The following CFAP77 variants were observed in gnomAD, a reference collection of about 807,000 sequenced individuals.
The protein encoded by CFAP77 is cilia and flagella associated protein 77.
In CFAP77, 25 loss-of-function variants were observed where a neutral mutation model predicts 31.1. The observed-to-expected ratio is 0.80, with a 90% CI of 0.59 to 1.12. CFAP77 has a LOEUF of 1.12. CFAP77 is among the 50% of genes most tolerant of loss of function. The pLI is 0.00. For synonymous variants in CFAP77, 151 were observed against 159.9 expected (o/e 0.94, Z 0.42); for missense variants, 377 against 397.3 (o/e 0.95, Z 0.44).
chr9:132,548,954 C>G (rs564315046), intron 5 of CFAP77, among the ~76,000 whole-genome samples: 1 of 152,298 alleles, frequency 6.6e-6, no homozygotes, highest in African/African-American at 2.4e-5. Context: ...AAGACTAACC[C>G]TGCTTCGGGT....
At chr9:132,420,666 CAA>C (rs11414328) in intron 1 of CFAP77, among the ~76,000 whole-genome samples, 21 of 127,908 alleles carry the variant, frequency 1.6e-4, no homozygotes, top group Non-Finnish European at 1.2e-4. Context: ...GACTCTGTCT[CAA>C]AAAAAAAAAA....
At chr9:132,551,531 A>G (rs1852820248) in intron 5 of CFAP77, among the ~76,000 whole-genome samples, 2 of 152,162 alleles carry the variant, frequency 1.3e-5, no homozygotes, top group Admixed American at 1.3e-4. Context: ...CCTGGCCTCC[A>G]GTGATCCGCC....
intron 5 of CFAP77, among the ~76,000 whole-genome samples, chr9:132,560,427 A>T (rs1564252863): frequency 6.6e-6 from 1 of 152,318 alleles, no homozygotes; most frequent in East Asian, 1.9e-4. Flanking sequence ...CCACCTTGGG[A>T]CTGGTGTTAC....
At chr9:132,416,291 C>G (rs1266558518) in intron 1 of CFAP77, among the ~76,000 whole-genome samples, 2 of 143,968 alleles carry the variant, frequency 1.4e-5, no homozygotes, top group African/African-American at 5.1e-5. Flanking sequence ...TATGCTATAA[C>G]TGTTGATATG....
intron 1 of CFAP77, among the ~76,000 whole-genome samples, chr9:132,432,775 G>A (rs1459614080): frequency 1.3e-5 from 2 of 151,942 alleles, no homozygotes; most frequent in African/African-American, 2.4e-5. Context: ...GTGCAGTGGC[G>A]CGATCTCGGC....
chr9:132,538,076 GAAGT>G (rs1395924190), intron 4 of CFAP77, among the ~76,000 whole-genome samples: 1 of 152,180 alleles, frequency 6.6e-6, no homozygotes, highest in African/African-American at 2.4e-5. Context: ...GGCCCACACA[GAAGT>G]ATGTCCTGTA....
rs1317724359 is a variant in CFAP77, at chr9:132,481,745, T to C, written c.196-16950T>C. Among the ~76,000 whole-genome samples the C allele has an allele frequency of 6.6e-6, 1 of 152,152 alleles. No homozygotes were observed. The highest frequency in any genetic ancestry group is 1.9e-4 in the East Asian group (1 of 5,198). On this transcript the variant is annotated intron_variant, in intron 1 of 5. Transcript: ENST00000393216. The surrounding 1 kb of genome is among the most constrained non-coding windows in gnomAD (Gnocchi z 5.0). ...ACCCCAGCCTTATTAACAGGCTTCGTTTTAGGGACGCCTCCTCCGCCTCAG... is the reference window on the plus strand; with the variant it reads ...ACCCCAGCCTTATTAACAGGCTTCGCTTTAGGGACGCCTCCTCCGCCTCAG...
In CFAP77 at chr9:132,561,132, C is replaced by T. The variant is rs141835547; in HGVS notation, c.733-11256C>T. Among the ~76,000 whole-genome samples the T allele has an allele frequency of 2.7e-3, 411 of 152,238 alleles. 2 individuals are homozygous for T. The highest frequency in any genetic ancestry group is 9.6e-3 in the African/African-American group (398 of 41,526). ...TGTCCTACATGAATCTGTGTTCTACCGGAGCCTCTGACCTCCAGCTGCCCC... is the reference window on the plus strand; with the variant it reads ...TGTCCTACATGAATCTGTGTTCTACTGGAGCCTCTGACCTCCAGCTGCCCC... On this transcript the variant is annotated intron_variant, in intron 5 of 5. Transcript: ENST00000393216.
Position 132,499,665 on chromosome 9 carries a change from C to T in CFAP77, c.524+65C>T. On this transcript the variant is annotated intron_variant, in intron 3 of 5. Transcript: ENST00000393216. This position sits in a 1 kb window ranked among gnomAD's most constrained non-coding sequence, Gnocchi z 5.4. ...GTGGAGGTACCAGCTCAATCAGGGA[C>T]AAGGTCGGAGGGTGACAGGGAAGTG... is the stretch of plus-strand genomic sequence containing the variant. 3 of 1,464,854 alleles carry T rather than the reference C, an allele frequency of 2.0e-6. No individual in the cohort carries two copies. The highest frequency in any genetic ancestry group is 2.9e-6 in the Non-Finnish European group (3 of 1,047,668). The allele number at this position is 1,464,854 out of a possible 1,614,324, so 90.7% of individuals were successfully genotyped here.
intron 1 of CFAP77, among the ~76,000 whole-genome samples, chr9:132,482,760 C>T (rs1409191448): frequency 1.6e-5 from 2 of 123,270 alleles, no homozygotes; most frequent in East Asian, 4.6e-4. Context: ...CTTAAGAACA[C>T]ATGGACACAG....
rs1234760565 is a variant in CFAP77 at position 132,424,129 on chromosome 9, C to T, written c.195+13663C>T. On this transcript the variant is annotated intron_variant, in intron 1 of 5. Transcript: ENST00000393216. The surrounding 1 kb of genome is among the most constrained non-coding windows in gnomAD (Gnocchi z 4.1). ...GCTGTTAAAAAAAGAGTTAGGAGGCCGGGTGTGGTGGCTCACGCCTGTAAT... is the reference window on the plus strand; with the variant it reads ...GCTGTTAAAAAAAGAGTTAGGAGGCTGGGTGTGGTGGCTCACGCCTGTAAT... 1.3e-5 allele frequency among the ~76,000 whole-genome samples: 2 copies of T among 152,116 alleles called. No individual in the cohort carries two copies. Among genetic ancestry groups the T allele is most frequent in the South Asian group, 2.1e-4 (1 of 4,826 alleles).
chr9:132,521,950 C>T (rs1852275364), intron 3 of CFAP77, among the ~76,000 whole-genome samples: 2 of 152,024 alleles, frequency 1.3e-5, no homozygotes, highest in Non-Finnish European at 2.9e-5. Flanking sequence ...TTAGTAGACA[C>T]AGGGTTTCAC....
intron 1 of CFAP77, among the ~76,000 whole-genome samples, chr9:132,434,906 G>T (rs1850476597): frequency 6.6e-6 from 1 of 152,166 alleles, no homozygotes; most frequent in Non-Finnish European, 1.5e-5. Flanking sequence ...GAGCACAAAA[G>T]CGAAAAGGAA....
At position 132,497,111 on chromosome 9, in the gene CFAP77, A is replaced by G. The variant is rs907997861; in HGVS notation, c.196-1584A>G. On this transcript the variant is annotated intron_variant, in intron 1 of 5. Coordinates refer to ENST00000393216, the MANE Select transcript of CFAP77 (RefSeq NM_001282957.2). This position sits in a 1 kb window ranked among gnomAD's most constrained non-coding sequence, Gnocchi z 4.9. ...GGCTGGGATGCCTGCGATCCTTCAG[A>G]TGAGGGGGAGTGGGTTTGTCTATCT... Among the ~76,000 whole-genome samples, 2 of 147,632 alleles carry G rather than the reference A, an allele frequency of 1.4e-5. No individual in the cohort carries two copies. The highest frequency in any genetic ancestry group is 3.0e-5 in the Non-Finnish European group (2 of 67,496).
rs1852859151 is a variant in CFAP77, at chr9:132,554,009, C to T, written c.732+10962C>T. On this transcript the variant is annotated intron_variant, in intron 5 of 5. Coordinates refer to ENST00000393216, the MANE Select transcript of CFAP77 (RefSeq NM_001282957.2). This position sits in a 1 kb window ranked among gnomAD's most constrained non-coding sequence, Gnocchi z 4.1. ...ATGTCTTCAATGCCTACACTGTGTG[C>T]CAGGCACCATTCCAGGGGCTTGGCA... Among the ~76,000 whole-genome samples, 1 of 152,186 alleles carries T rather than the reference C, an allele frequency of 6.6e-6. No individual in the cohort carries two copies. The highest frequency in any genetic ancestry group is 2.1e-4 in the South Asian group (1 of 4,820).
intron 3 of CFAP77, among the ~76,000 whole-genome samples, chr9:132,500,263 G>A (rs1205985122): frequency 2.0e-5 from 3 of 152,170 alleles, no homozygotes; most frequent in Non-Finnish European, 4.4e-5. Context: ...AGAGGCTCTG[G>A]AGCCTGGGCT....
At chr9:132,508,205 C>T (rs957967727) in intron 3 of CFAP77, among the ~76,000 whole-genome samples, 1 of 152,174 alleles carries the variant, frequency 6.6e-6, no homozygotes, top group Non-Finnish European at 1.5e-5. Flanking sequence ...CTGTGATCCC[C>T]GCCCCCCGCG....
In CFAP77 at chr9:132,432,806, C is replaced by A. The variant is rs956291942; in HGVS notation, c.195+22340C>A. On this transcript the variant is annotated intron_variant, in intron 1 of 5. Transcript: ENST00000393216. ...TCGGCTCACTGCAAGCTCTGCCTCC[C>A]GGGTTCACGCCATTCTCCTGCCTTA... Among the ~76,000 whole-genome samples, 3 of 152,110 alleles carry A rather than the reference C, an allele frequency of 2.0e-5. No individual in the cohort carries two copies. The East Asian group carries it at 5.8e-4, about 29-fold the overall frequency.
At chr9:132,492,820 C>T (rs1481155163) in intron 1 of CFAP77, among the ~76,000 whole-genome samples, 1 of 152,188 alleles carries the variant, frequency 6.6e-6, no homozygotes, top group Non-Finnish European at 1.5e-5. Flanking sequence ...GGATGTGCTG[C>T]TCCTCTTGGG....
Sources: allele counts gnomAD v4.1 joint callset (sites outside exome capture counted in the v4.1 genomes callset), GRCh38; gene constraint gnomAD v4.1.1; non-coding constraint Gnocchi (gnomAD v3.1); transcripts MANE v1.5; gene names NCBI Gene and HGNC (gene_info 2026-07-23, HGNC 2026-07-21).